Variants in PFKM observed in about 807,000 individuals in gnomAD.
PFKM encodes the protein phosphofructokinase, muscle.
A neutral mutation model predicts 95.5 loss-of-function variants in PFKM; 58 were observed. The ratio of observed to expected loss-of-function variants is 0.61; its 90% confidence interval spans 0.49 to 0.76. PFKM has a LOEUF of 0.76. PFKM is among the 30% of genes least tolerant of loss of function. The probability of loss-of-function intolerance (pLI) is 0.00; values close to 1 mark genes in which losing one functional copy is unlikely to be tolerated. For missense variants in PFKM, 678 were observed against 1,005.4 expected, an observed-to-expected ratio of 0.67 and a Z score of 4.40; for synonymous variants, 336 against 357.2, an observed-to-expected ratio of 0.94 and a Z score of 0.67.
rs545246993 is a variant in PFKM at position 48,112,948 on chromosome 12, G to A, written c.205+4754G>A. 2.6e-4 allele frequency among the ~76,000 whole-genome samples: 40 copies of A among 152,208 alleles called. 1 individual carries two copies. The highest frequency in any genetic ancestry group is 8.9e-4 in the African/African-American group (37 of 41,528). The stretch of plus-strand genomic sequence containing the variant: ...TAAGGGGTGCATGATCAGTCGCCAA[G>A]GAGGGAGTAGAGGCATCCTATACCT... On this transcript the variant is annotated intron_variant, in intron 3 of 24. Transcript: ENST00000340802.
Position 48,132,960 on chromosome 12 carries a change from C to T in PFKM, c.330C>T (p.Ile110=). 1 of 1,614,162 alleles carries T rather than the reference C, an allele frequency of 6.2e-7. No homozygotes were observed. The highest frequency in any genetic ancestry group is 8.5e-7 in the Non-Finnish European group (1 of 1,179,998). ...CCTACAACCTGGTGAAGCGTGGGAT[C>T]ACCAATCTCTGTGTCATTGGGGGTG... ...RAAYNLVKRG[I]TNLCVIGGDG... The change falls in exon 5 of 23, where the codon ATC becomes ATT. Residue 110 remains isoleucine (I), a synonymous_variant. Transcript: ENST00000359794.
chr12:48,107,468 C>A, intron 2 of PFKM: 1 of 1,509,920 alleles, frequency 6.6e-7, no homozygotes. Context: ...ACCCTTGTCT[C>A]CTGATCATAC....
chr12:48,143,801 G>C lies in PFKM; in HGVS notation c.1867G>C (p.Gly623Arg), dbSNP rs1316307844. The C allele has an allele frequency of 6.2e-7, 1 of 1,612,500 alleles. No homozygotes were observed. The highest frequency in any genetic ancestry group is 1.7e-5 in the Admixed American group (1 of 60,022). ...VQKMKTTVKR[G>R]LVLRNEKCNE... is the part of the protein sequence containing the mutation. ...AAAGATGAAAACAACTGTGAAAAGG[G>C]GCTTGGTGTTAAGGTACCTCATCCA... is the stretch of plus-strand genomic sequence containing the variant. The change falls in exon 19 of 23, where the codon GGC becomes CGC. Residue 623 changes from glycine to arginine, a missense_variant. Transcript: ENST00000359794.
rs1592817412 is a variant in PFKM at position 48,143,982 on chromosome 12, A to G, written c.1881-64A>G. The G allele has an allele frequency of 4.4e-5, 55 of 1,260,900 alleles. No homozygotes were observed. In the South Asian group the frequency reaches 6.4e-4, roughly 15 times the overall value. 78.1% of individuals were successfully genotyped at this position (1,260,900 alleles called of 1,614,324 possible). ...AGATAAAAATTGAAAGGAAAGAACA[A>G]AGGCAGAAATGGGGGATGGGAAGCC... On this transcript the variant is annotated intron_variant, in intron 19 of 22. Transcript: ENST00000359794.
In PFKM at chr12:48,134,319, A is replaced by G. The variant is rs1390922927; in HGVS notation, c.638+43A>G. 7.1e-6 allele frequency: 11 copies of G among 1,547,536 alleles called. No homozygotes were observed. The Admixed American group carries it at 1.7e-4, about 23-fold the overall frequency. ...ACCCATTTATTCCGTGGACCTAGCG[A>G]TAGCCCTTTCCTTTTCCCCAGAGAG... On this transcript the variant is annotated intron_variant, in intron 7 of 22. Transcript: ENST00000359794.
chr12:48,107,337 T>C (rs1412559477), intron 1 of PFKM: 9 of 1,423,364 alleles, frequency 6.3e-6, no homozygotes, highest in Non-Finnish European at 8.8e-6. Context: ...CTCTGTTCGT[T>C]TGGATTAAAC....
upstream of PFKM, among the ~76,000 whole-genome samples, chr12:48,115,928 T>G (rs1299106811): frequency 6.6e-6 from 1 of 152,126 alleles, no homozygotes; most frequent in Non-Finnish European, 1.5e-5. Flanking sequence ...TGTACATATG[T>G]TTTCATTTTT....
chr12:48,135,130 C>T, intron 9 of PFKM, 92 bp downstream of exon 9: 2 of 1,143,322 alleles, frequency 1.7e-6, no homozygotes, highest in Admixed American at 3.6e-5. Context: ...CCCCTTGGTC[C>T]TTCTGCACAT....
intron 2 of PFKM, chr12:48,125,460 A>G (rs1948731775): frequency 2.7e-6 from 1 of 365,790 alleles, no homozygotes; most frequent in South Asian, 1.9e-5. Flanking sequence ...CGTCTCTACT[A>G]AAAATACAAA....
chr12:48,124,279 G>A (rs946467241), intron 2 of PFKM, among the ~76,000 whole-genome samples: 1 of 152,190 alleles, frequency 6.6e-6, no homozygotes, highest in Non-Finnish European at 1.5e-5. Context: ...CCCTAGTTGA[G>A]TTTGCAGAAA....
chr12:48,106,982 C>A (rs781304100), intron 1 of PFKM, among the ~76,000 whole-genome samples: 6 of 152,178 alleles, frequency 3.9e-5, no homozygotes, highest in Non-Finnish European at 5.9e-5. Flanking sequence ...TATGTTTGTT[C>A]ATTCAGGCTT....
chr12:48,129,523 G>C (rs894446319), intron 2 of PFKM, among the ~76,000 whole-genome samples: 3 of 152,154 alleles, frequency 2.0e-5, no homozygotes, highest in Non-Finnish European at 4.4e-5. Flanking sequence ...AGAGAATAGA[G>C]TCCCCACCAA....
chr12:48,130,540 A>G (rs1225753906), intron 3 of PFKM, 104 bp downstream of exon 3: 5 of 885,396 alleles, frequency 5.6e-6, no homozygotes, highest in Non-Finnish European at 9.7e-6. Context: ...AGTTAGTTAC[A>G]TTGCTGTGTT....
Position 48,133,470 on chromosome 12 carries a change from A to G in PFKM, c.583A>G (p.Thr195Ala). ...GGAAATTGTAGATGCCATCACTACC[A>G]CTGCCCAGAGGTAAGGGGACTTGGG... ...IMEIVDAITTTAQSHQRTFVL... is the reference protein window; with the variant it reads ...IMEIVDAITTAAQSHQRTFVL... Residue 195 changes from threonine to alanine, a missense_variant, in exon 6 of 23, where the codon ACT (threonine) becomes GCT (alanine). Transcript: ENST00000359794. 6.2e-7 allele frequency: 1 copy of G among 1,613,768 alleles called. No individual in the cohort carries two copies. The highest frequency in any genetic ancestry group is 1.7e-5 in the Admixed American group (1 of 60,028).
chr12:48,118,695 C>T (rs919642985), upstream of PFKM: 8 of 662,982 alleles, frequency 1.2e-5, no homozygotes, highest in African/African-American at 1.2e-4. Context: ...CAGAATCCCG[C>T]CCCCATCCCT....
In PFKM at chr12:48,132,914, G is replaced by A. The variant is rs749015654; in HGVS notation, c.284G>A (p.Arg95Gln). ...GCCCGGTGCAAGGACTTTCGGGAACGAGAAGGACGACTCCGAGCTGCCTAC... is the reference window on the plus strand; with the variant it reads ...GCCCGGTGCAAGGACTTTCGGGAACAAGAAGGACGACTCCGAGCTGCCTAC... ...GSARCKDFRE[R>Q]EGRLRAAYNL... Residue 95 changes from arginine (R) to glutamine (Q), a missense_variant, in exon 5 of 23, where the codon CGA becomes CAA. Coordinates refer to ENST00000359794, the MANE Select transcript of PFKM (RefSeq NM_000289.6). 1.2e-5 allele frequency: 20 copies of A among 1,614,032 alleles called. No individual in the cohort carries two copies. Among genetic ancestry groups the A allele is most frequent in the South Asian group, 2.2e-5 (2 of 91,074 alleles).
intron 2 of PFKM, among the ~76,000 whole-genome samples, chr12:48,126,474 A>C (rs1948844597): frequency 6.6e-6 from 1 of 152,218 alleles, no homozygotes; most frequent in Non-Finnish European, 1.5e-5. Flanking sequence ...TTGAGGTAAG[A>C]AGAAGGCAGA....
rs1406744971 is a variant in PFKM, at chr12:48,142,000, C to T, written c.1587C>T (p.Val529=). 6.2e-7 allele frequency: 1 copy of T among 1,614,096 alleles called. No homozygotes were observed. Among genetic ancestry groups the T allele is most frequent in the Non-Finnish European group, 8.5e-7 (1 of 1,179,962 alleles). ...CIPFVVIPAT[V]SNNVPGSDFS... ...CATTTGTGGTCATTCCTGCTACAGTCTCCAACAATGTCCCTGGCTCAGACT... is the reference window on the plus strand; with the variant it reads ...CATTTGTGGTCATTCCTGCTACAGTTTCCAACAATGTCCCTGGCTCAGACT... Residue 529 remains valine, a synonymous_variant, in exon 17 of 23, where the codon GTC becomes GTT. Transcript: ENST00000359794.
intron 3 of PFKM, among the ~76,000 whole-genome samples, chr12:48,109,412 A>G (rs1946994326): frequency 6.8e-6 from 1 of 146,974 alleles, no homozygotes; most frequent in African/African-American, 2.5e-5. Context: ...TTTGTGGTCT[A>G]CATCCCTTTA....
Sources: gnomAD v4.1 joint callset for allele counts (sites outside exome capture counted in the v4.1 genomes callset) on GRCh38, gnomAD v4.1.1 for gene constraint, MANE v1.5 for transcripts, NCBI Gene and HGNC (gene_info 2026-07-23, HGNC 2026-07-21) for gene names.